The following TCF12 variants were observed in gnomAD, a reference collection of about 807,000 sequenced individuals.
The protein encoded by TCF12 is DNA-binding protein HTF4.
TCF12 carries 45 observed loss-of-function variants against 86.0 expected under a neutral mutation model. The observed-to-expected ratio is 0.52, with a 90% CI of 0.41 to 0.67. TCF12 has a LOEUF of 0.67. Ranked by LOEUF, TCF12 falls within the 30% of genes least tolerant of loss-of-function variation. The probability of loss-of-function intolerance (pLI) is 0.00; values close to 1 mark genes in which losing one functional copy is unlikely to be tolerated. For missense variants in TCF12, 881 were observed against 859.9 expected (o/e 1.02, Z -0.31); for synonymous variants, 330 against 299.6 (o/e 1.10, Z -1.05).
intron 8 of TCF12, among the ~76,000 whole-genome samples, chr15:57,209,629 CA>C (rs2058020866): frequency 6.6e-6 from 1 of 152,178 alleles, no homozygotes; most frequent in Admixed American, 6.5e-5. Context: ...TAAATTATGG[CA>C]ACAGCTTTAT....
intron 5 of TCF12, among the ~76,000 whole-genome samples, chr15:57,131,942 A>G (rs2052157795): frequency 6.6e-6 from 1 of 152,196 alleles, no homozygotes; most frequent in South Asian, 2.1e-4. Flanking sequence ...TGAATGGTGT[A>G]TAATAAACCA....
At chr15:57,188,501 C>T (rs1290670289) in intron 6 of TCF12, among the ~76,000 whole-genome samples, 1 of 152,018 alleles carries the variant, frequency 6.6e-6, no homozygotes, top group Non-Finnish European at 1.5e-5. Flanking sequence ...TTTCAAGATC[C>T]CAAGTAGCCA....
At chr15:57,112,468 A>G (rs980237978) in intron 5 of TCF12, among the ~76,000 whole-genome samples, 25 of 152,192 alleles carry the variant, frequency 1.6e-4, no homozygotes, top group African/African-American at 5.8e-4. Context: ...CCCAGCTGCA[A>G]CTTGATCTCA....
chr15:57,130,638 G>T (rs1352737227), intron 5 of TCF12, among the ~76,000 whole-genome samples: 2 of 152,144 alleles, frequency 1.3e-5, no homozygotes, highest in Non-Finnish European at 2.9e-5. Flanking sequence ...ACAGAGTTGG[G>T]ATCAGAACTG....
chr15:57,202,438 T>G (rs1040036086), intron 8 of TCF12, among the ~76,000 whole-genome samples: 14 of 140,562 alleles, frequency 1.0e-4, no homozygotes, highest in Non-Finnish European at 2.0e-4. Context: ...TGCCCTCAGC[T>G]TTTTTTTTTT....
At chr15:57,087,439 A>G (rs1596469532) in intron 4 of TCF12, among the ~76,000 whole-genome samples, 1 of 149,820 alleles carries the variant, frequency 6.7e-6, no homozygotes, top group Non-Finnish European at 1.5e-5. Flanking sequence ...TTATATATAT[A>G]TATATTTGAT....
At chr15:56,930,702 A>G (rs1208102839) in intron 3 of TCF12, among the ~76,000 whole-genome samples, 1 of 140,738 alleles carries the variant, frequency 7.1e-6, no homozygotes, top group Non-Finnish European at 1.5e-5. Flanking sequence ...AGTATCAGCT[A>G]GTTTTTTTTT....
chr15:57,040,315 C>T (rs2066813363), intron 3 of TCF12, among the ~76,000 whole-genome samples: 1 of 152,184 alleles, frequency 6.6e-6, no homozygotes, highest in Admixed American at 6.5e-5. Flanking sequence ...ATCTTGACAT[C>T]ATGATGGCTT....
At chr15:57,178,464 T>C (rs1567574434) in intron 6 of TCF12, among the ~76,000 whole-genome samples, 3 of 152,228 alleles carry the variant, frequency 2.0e-5, no homozygotes, top group South Asian at 4.1e-4. Context: ...AGTTGCTCCA[T>C]GTTAAAGCTA....
chr15:57,015,687 T>C (rs912224935), intron 3 of TCF12, among the ~76,000 whole-genome samples: 1 of 136,356 alleles, frequency 7.3e-6, no homozygotes, highest in Admixed American at 7.3e-5. Flanking sequence ...TCTTAGACAG[T>C]TTCTCCAAAA....
chr15:57,079,913 G>A (rs2070478123), intron 4 of TCF12, among the ~76,000 whole-genome samples: 1 of 152,140 alleles, frequency 6.6e-6, no homozygotes, highest in Admixed American at 6.5e-5. Flanking sequence ...TTAATAGGAA[G>A]ACTCACAGAT....
intron 8 of TCF12, among the ~76,000 whole-genome samples, chr15:57,215,063 T>C (rs777506517): frequency 1.3e-5 from 2 of 152,180 alleles, no homozygotes; most frequent in African/African-American, 2.4e-5. Flanking sequence ...TTGATTTCTT[T>C]CTTGCAGAAG....
intron 5 of TCF12, among the ~76,000 whole-genome samples, chr15:57,113,973 T>C (rs1426260484): frequency 1.3e-5 from 2 of 151,308 alleles, no homozygotes; most frequent in African/African-American, 2.4e-5. Flanking sequence ...AGAAAAAAAA[T>C]AGTAAATTTA....
chr15:57,052,527 C>T (rs1206262823), intron 3 of TCF12, among the ~76,000 whole-genome samples: 1 of 151,310 alleles, frequency 6.6e-6, no homozygotes, highest in East Asian at 2.0e-4. Context: ...ATCCCAGCTA[C>T]TCGGGAGGCT....
intron 5 of TCF12, among the ~76,000 whole-genome samples, chr15:57,132,482 A>G (rs374830792): frequency 4.6e-5 from 7 of 152,196 alleles, no homozygotes; most frequent in African/African-American, 1.4e-4. Context: ...CAAAGGGTCA[A>G]TTCAGATTCA....
At chr15:56,970,711 A>G (rs889822796) in intron 3 of TCF12, among the ~76,000 whole-genome samples, 1 of 151,968 alleles carries the variant, frequency 6.6e-6, no homozygotes, top group Non-Finnish European at 1.5e-5. Flanking sequence ...AGACTTTTGC[A>G]TGGGGAAAAA....
chr15:57,107,982 A>G (rs2050246043), intron 5 of TCF12, among the ~76,000 whole-genome samples: 1 of 152,164 alleles, frequency 6.6e-6, no homozygotes, highest in Admixed American at 6.5e-5. Context: ...ATATTTTTAA[A>G]CTTTTATTTT....
chr15:57,137,106 A>G (rs1019349987), intron 5 of TCF12, among the ~76,000 whole-genome samples: 10 of 151,472 alleles, frequency 6.6e-5, no homozygotes, highest in Non-Finnish European at 1.5e-4. Flanking sequence ...CAGGCTCCCA[A>G]GTAGCTGGGA....
intron 3 of TCF12, among the ~76,000 whole-genome samples, chr15:56,968,253 A>T (rs559569771): frequency 6.6e-6 from 1 of 152,184 alleles, no homozygotes; most frequent in Admixed American, 6.5e-5. Context: ...CACTGCGCGC[A>T]GTCAAGAATG....
Sources: allele counts gnomAD v4.1 joint callset (sites outside exome capture counted in the v4.1 genomes callset), GRCh38; gene constraint gnomAD v4.1.1; transcripts MANE v1.5; gene names NCBI Gene and HGNC (gene_info 2026-07-23, HGNC 2026-07-21).